Variants in ESCO1 observed in about 807,000 individuals in gnomAD.
The protein encoded by ESCO1 is establishment of sister chromatid cohesion N-acetyltransferase 1, also known as N-acetyltransferase ESCO1.
Under a neutral mutation model 83.5 loss-of-function variants are expected in ESCO1, and 33 were observed. That is an observed-to-expected ratio of 0.40 (90% CI 0.30 to 0.53). ESCO1 has a LOEUF of 0.53. Ranked by LOEUF, ESCO1 falls within the 20% of genes least tolerant of loss-of-function variation. ESCO1 has a pLI of 0.63. For missense variants in ESCO1, 855 were observed against 968.0 expected (o/e 0.88, Z 1.55); for synonymous variants, 332 against 324.3 (o/e 1.02, Z -0.25).
chr18:21,558,309 C>G (rs868559584), intron 8 of ESCO1, among the ~76,000 whole-genome samples: 54 of 152,030 alleles, frequency 3.6e-4, no homozygotes, highest in African/African-American at 1.3e-3. Flanking sequence ...TATTTTCTAC[C>G]TTTTATTTTA....
In ESCO1 at chr18:21,573,541, G is replaced by A; in HGVS notation, c.1303C>T (p.Gln435Ter). 1 of 1,613,938 alleles carries A rather than the reference G, an allele frequency of 6.2e-7. No individual in the cohort carries two copies. The highest frequency in any genetic ancestry group is 8.5e-7 in the Non-Finnish European group (1 of 1,179,990). The change falls in exon 4 of 12, where the codon CAA becomes TAA. Residue 435 changes from glutamine (Q) to a stop codon, truncating the protein, a stop_gained. Transcript: ENST00000269214. LOFTEE classifies it high-confidence loss of function. Reference sequence around the variant, plus strand: ...AGCTTTGTCCCTAAAAACGTACTTTGAGTCACTGGATGATGCATTTCTAAA... The same window carrying A: ...AGCTTTGTCCCTAAAAACGTACTTTAAGTCACTGGATGATGCATTTCTAAA... ...PALEMHHPVT[Q>*]STFLGTKLHD...
At chr18:21,555,496 C>A (rs576063153) in intron 8 of ESCO1, among the ~76,000 whole-genome samples, 1 of 152,104 alleles carries the variant, frequency 6.6e-6, no homozygotes, top group Admixed American at 6.5e-5. Context: ...AGGCTATACA[C>A]GTGTGGAATT....
At chr18:21,563,622 A>AT (rs2038218769) in intron 7 of ESCO1, among the ~76,000 whole-genome samples, 1 of 152,220 alleles carries the variant, frequency 6.6e-6, no homozygotes, top group Non-Finnish European at 1.5e-5. Flanking sequence ...TGCTGGGATT[A>AT]TAGGCATGAG....
intron 8 of ESCO1, among the ~76,000 whole-genome samples, chr18:21,543,087 T>C (rs2037927369): frequency 1.3e-5 from 2 of 152,254 alleles, no homozygotes; most frequent in East Asian, 3.8e-4. Context: ...CATCCATTTC[T>C]GCTTCATGAA....
chr18:21,583,979 T>C (rs1263852184), intron 2 of ESCO1, among the ~76,000 whole-genome samples: 1 of 152,136 alleles, frequency 6.6e-6, no homozygotes, highest in African/African-American at 2.4e-5. Context: ...ATGTAGCATG[T>C]CTCCCTTTGT....
chr18:21,566,101 TG>T, intron 6 of ESCO1, 44 bp downstream of exon 6: 1 of 1,567,688 alleles, frequency 6.4e-7, no homozygotes, highest in Non-Finnish European at 8.7e-7. Flanking sequence ...ACTCAAAACT[TG>T]TAAGTTAAAA....
intron 4 of ESCO1, 81 bp from the exon 5 acceptor site, chr18:21,568,175 A>C (rs2038288735): frequency 1.9e-6 from 2 of 1,041,398 alleles, no homozygotes; most frequent in Admixed American, 4.0e-5. Context: ...AGCATACTAA[A>C]AAAATTTAAC....
chr18:21,588,819 G>A (rs899332004), intron 1 of ESCO1, among the ~76,000 whole-genome samples: 3 of 152,130 alleles, frequency 2.0e-5, no homozygotes, highest in African/African-American at 7.2e-5. Flanking sequence ...GGGAGGCTGA[G>A]GCGGGAGACT....
intron 8 of ESCO1, among the ~76,000 whole-genome samples, chr18:21,548,399 G>A (rs1300074246): frequency 1.3e-5 from 2 of 152,078 alleles, no homozygotes; most frequent in Non-Finnish European, 2.9e-5. Context: ...GCAGGCTGAG[G>A]CAAGAGGATC....
intron 1 of ESCO1, among the ~76,000 whole-genome samples, chr18:21,597,740 C>CT (rs2038786379): frequency 6.6e-6 from 1 of 152,020 alleles, no homozygotes; most frequent in Non-Finnish European, 1.5e-5. Context: ...TTTTAATTTA[C>CT]CCTCTGAGTT....
chr18:21,562,887 T>C (rs2038207830), intron 7 of ESCO1, among the ~76,000 whole-genome samples: 2 of 152,184 alleles, frequency 1.3e-5, no homozygotes, highest in South Asian at 4.2e-4. Flanking sequence ...TTTTTTTTTT[T>C]TGAGATGGAG....
At chr18:21,570,408 A>T (rs1223092474) in intron 4 of ESCO1, among the ~76,000 whole-genome samples, 3 of 152,178 alleles carry the variant, frequency 2.0e-5, no homozygotes, top group Non-Finnish European at 2.9e-5. Context: ...CCAAGGTGAA[A>T]GTCTTTTCAT....
At chr18:21,564,025 A>G (rs939790257) in intron 7 of ESCO1, among the ~76,000 whole-genome samples, 178 bp downstream of exon 7, 5 of 151,930 alleles carry the variant, frequency 3.3e-5, no homozygotes, top group South Asian at 2.1e-4. Context: ...GCTTTCCTCC[A>G]TAAGTTGAAG....
At chr18:21,560,325 A>ATTTTTTT in intron 8 of ESCO1, among the ~76,000 whole-genome samples, 1 of 143,014 alleles carries the variant, frequency 7.0e-6, no homozygotes, top group African/African-American at 2.6e-5. Context: ...CTCTGTGGGA[A>ATTTTTTT]TTTTTTTTTT....
intron 8 of ESCO1, among the ~76,000 whole-genome samples, chr18:21,550,871 C>T (rs575036679): frequency 2.8e-4 from 42 of 150,986 alleles, no homozygotes; most frequent in African/African-American, 8.5e-4. Context: ...CCAGTACTTT[C>T]GGAGGCCGAG....
chr18:21,575,657 T>C lies in ESCO1; in HGVS notation c.-588+15A>G. 1 of 398,390 alleles carries C rather than the reference T, an allele frequency of 2.5e-6. No homozygotes were observed. The highest frequency in any genetic ancestry group is 4.4e-6 in the Non-Finnish European group (1 of 225,926). The allele number at this position is 398,390 out of a possible 1,614,324, so 24.7% of individuals were successfully genotyped here. ...GAATAGTTGAAAATCAGTGTATTCC[T>C]TGAGGTTTACTTACAGTTTTTGCCC... On this transcript the variant is annotated intron_variant, in intron 3 of 11. Coordinates refer to ENST00000269214, the MANE Select transcript of ESCO1 (RefSeq NM_052911.3).
chr18:21,574,768 T>G lies in ESCO1; in HGVS notation c.76A>C (p.Thr26Pro), dbSNP rs769335547. The G allele has an allele frequency of 6.2e-7, 1 of 1,606,640 alleles. No homozygotes were observed. Among genetic ancestry groups the G allele is most frequent in the South Asian group, 1.1e-5 (1 of 90,534 alleles). Reference sequence around the variant, plus strand: ...TTCTTTTGAGAATCCTGAATTTCTGTTTCTGAATTCTTATCGTCACTTTTT... The same window carrying G: ...TTCTTTTGAGAATCCTGAATTTCTGGTTCTGAATTCTTATCGTCACTTTTT... ...TKKSDDKNSE[T>P]EIQDSQKNLA... Residue 26 changes from threonine (T) to proline (P), a missense_variant, in exon 4 of 12, where the codon ACA becomes CCA. By Grantham distance (38) the Thr-to-Pro change is conservative (BLOSUM62 -1). Coordinates refer to ENST00000269214, the MANE Select transcript of ESCO1 (RefSeq NM_052911.3).
chr18:21,576,898 T>C (rs2038425822), intron 2 of ESCO1, among the ~76,000 whole-genome samples: 1 of 151,858 alleles, frequency 6.6e-6, no homozygotes, highest in African/African-American at 2.4e-5. Flanking sequence ...CCAGGCGTGG[T>C]GGCAGGCGCC....
Position 21,574,318 on chromosome 18 carries a change from T to C in ESCO1, c.526A>G (p.Lys176Glu). Residue 176 changes from lysine to glutamate, a missense_variant, in exon 4 of 12, where the codon AAG (lysine) becomes GAG (glutamate). Physicochemically the swap from Lys to Glu is moderately conservative, Grantham distance 56 (BLOSUM62 1). Coordinates refer to ENST00000269214, the MANE Select transcript of ESCO1 (RefSeq NM_052911.3). ...GACTTTACTTCCAGTACTTTTCTCTTCACATGTTTTTGACTTGTTTTATTA... is the reference window on the plus strand; with the variant it reads ...GACTTTACTTCCAGTACTTTTCTCTCCACATGTTTTTGACTTGTTTTATTA... ...KSNKTSQKHVKRKVLEVKSDS... is the reference protein window; with the variant it reads ...KSNKTSQKHVERKVLEVKSDS... 1 of 1,613,856 alleles carries C rather than the reference T, an allele frequency of 6.2e-7. No individual in the cohort carries two copies. The highest frequency in any genetic ancestry group is 8.5e-7 in the Non-Finnish European group (1 of 1,180,006).
Sources: gnomAD v4.1 joint callset for allele counts (sites outside exome capture counted in the v4.1 genomes callset) on GRCh38, gnomAD v4.1.1 for gene constraint, MANE v1.5 for transcripts, NCBI Gene and HGNC (gene_info 2026-07-23, HGNC 2026-07-21) for gene names.